The following MPDZ variants were observed in gnomAD, a reference collection of about 807,000 sequenced individuals.
MPDZ encodes multiple PDZ domain crumbs cell polarity complex component.
In MPDZ, 234 loss-of-function variants were observed where a neutral mutation model predicts 239.1. The observed-to-expected ratio is 0.98, with a 90% CI of 0.88 to 1.09. The LOEUF (loss-of-function observed/expected upper bound fraction) is 1.09, where lower values mean the gene tolerates loss of function less well. Ranked by LOEUF, MPDZ falls within the 50% of genes least tolerant of loss-of-function variation. MPDZ has a pLI of 0.00. For synonymous variants in MPDZ, 1,048 were observed against 881.3 expected, an observed-to-expected ratio of 1.19 and a Z score of -3.35; for missense variants, 3,175 against 2,510.0, an observed-to-expected ratio of 1.26 and a Z score of -5.66.
chr9:13,159,997 T>A (rs995493343), intron 23 of MPDZ, among the ~76,000 whole-genome samples: 2 of 152,162 alleles, frequency 1.3e-5, no homozygotes, highest in Non-Finnish European at 2.9e-5. Context: ...TCTCTTTATA[T>A]CTGCAAATAT....
intron 12 of MPDZ, among the ~76,000 whole-genome samples, chr9:13,204,050 C>T (rs1426514480): frequency 6.6e-6 from 1 of 152,064 alleles, no homozygotes; most frequent in African/African-American, 2.4e-5. Flanking sequence ...ATAAATATCC[C>T]TTTAAAATTG....
At chr9:13,249,661 A>G (rs998164586) in intron 2 of MPDZ, among the ~76,000 whole-genome samples, 4 of 152,212 alleles carry the variant, frequency 2.6e-5, no homozygotes, top group Non-Finnish European at 4.4e-5. Context: ...TACCTGGAAT[A>G]GGGTAAGGAA....
rs560078006 is a variant in MPDZ at position 13,207,025 on chromosome 9, T to C, written c.1291-926A>G. On this transcript the variant is annotated intron_variant, in intron 10 of 46. Transcript: ENST00000319217. ...TTTTATATTCCTCAGGTGATCTCAATGCACAGTTAAGTTTGGAACCAGAAC... is the reference window on the plus strand; with the variant it reads ...TTTTATATTCCTCAGGTGATCTCAACGCACAGTTAAGTTTGGAACCAGAAC... Among the ~76,000 whole-genome samples the C allele has an allele frequency of 4.6e-5, 7 of 152,190 alleles. No individual in the cohort carries two copies. The South Asian group carries it at 1.2e-3, about 27-fold the overall frequency.
chr9:13,127,509 C>T (rs1305672087), intron 32 of MPDZ, among the ~76,000 whole-genome samples: 1 of 152,146 alleles, frequency 6.6e-6, no homozygotes, highest in Non-Finnish European at 1.5e-5. Context: ...ATTGCCAGAG[C>T]TAGCCACCTT....
At chr9:13,137,314 T>C (rs1450258955) in intron 29 of MPDZ, among the ~76,000 whole-genome samples, 1 of 152,170 alleles carries the variant, frequency 6.6e-6, no homozygotes, top group African/African-American at 2.4e-5. Flanking sequence ...CGCAAATGAC[T>C]GGCTCAGTCA....
At chr9:13,216,216 A>G (rs1326346810) in intron 10 of MPDZ, among the ~76,000 whole-genome samples, 1 of 151,652 alleles carries the variant, frequency 6.6e-6, no homozygotes, top group East Asian at 1.9e-4. Flanking sequence ...TCTTCTGTAC[A>G]GTGCCTTGAA....
In MPDZ at chr9:13,176,420, G is replaced by C; in HGVS notation, c.2650-3C>G. ...TCACAAGAATTTTCAATAACATCCT[G>C]GTAGTTAAAAAACAACAACAACAAA... On this transcript the variant is annotated splice_polypyrimidine_tract_variant and splice_region_variant and intron_variant, in intron 19 of 46. Coordinates refer to ENST00000319217, the MANE Select transcript of MPDZ (RefSeq NM_001378778.1). The C allele has an allele frequency of 6.5e-7, 1 of 1,528,922 alleles. No individual in the cohort carries two copies. Among genetic ancestry groups the C allele is most frequent in the Non-Finnish European group, 8.8e-7 (1 of 1,136,598 alleles). The allele number at this position is 1,528,922 out of a possible 1,614,324, so 94.7% of individuals were successfully genotyped here.
At chr9:13,176,479 A>G (rs1952508285) in intron 19 of MPDZ, 62 bp from the exon 20 acceptor site, 2 of 1,270,952 alleles carry the variant, frequency 1.6e-6, no homozygotes. Context: ...ACATCAATAT[A>G]TAACATCACT....
chr9:13,245,398 A>C (rs1328137220), intron 3 of MPDZ, among the ~76,000 whole-genome samples: 2 of 150,606 alleles, frequency 1.3e-5, no homozygotes, highest in Non-Finnish European at 3.0e-5. Flanking sequence ...CTAGGGTTCA[A>C]CTTTCTACCT....
chr9:13,227,243 A>G lies in MPDZ; in HGVS notation c.184-2660T>C, dbSNP rs1365149918. Among the ~76,000 whole-genome samples the G allele has an allele frequency of 2.6e-5, 4 of 152,150 alleles. No individual in the cohort carries two copies. The South Asian group carries it at 6.2e-4, about 24-fold the overall frequency. ...CTTAACCATTATATTAGCTTTCTAC[A>G]ATCACAGATGAAAAAGAGATCAATG... On this transcript the variant is annotated intron_variant, in intron 3 of 46. Transcript: ENST00000319217.
chr9:13,136,320 G>GTTTTATTTTTT (rs1444109820), intron 30 of MPDZ, 138 bp from the exon 31 acceptor site: 2 of 193,260 alleles, frequency 1.0e-5, no homozygotes, highest in East Asian at 2.3e-4. Flanking sequence ...ATTTACAAAC[G>GTTTTATTTTTT]TTTTCTTTTT....
chr9:13,182,310 T>C (rs1263870895), intron 19 of MPDZ, among the ~76,000 whole-genome samples: 5 of 152,128 alleles, frequency 3.3e-5, no homozygotes, highest in Admixed American at 2.6e-4. Context: ...TATTCATATA[T>C]GAACTCTTTG....
chr9:13,227,737 T>C (rs1441410674), intron 3 of MPDZ, among the ~76,000 whole-genome samples: 1 of 152,166 alleles, frequency 6.6e-6, no homozygotes, highest in East Asian at 1.9e-4. Context: ...TAATATCAAT[T>C]GTCATTTCCT....
chr9:13,137,605 G>A (rs777017890), intron 29 of MPDZ, among the ~76,000 whole-genome samples: 15 of 152,130 alleles, frequency 9.9e-5, no homozygotes, highest in South Asian at 2.1e-4. Context: ...GTTCCAGAAT[G>A]TCCAGTGGGT....
chr9:13,125,218 C>G lies in MPDZ; in HGVS notation c.4805G>C (p.Arg1602Pro), dbSNP rs372204991. ...QSGSPEPESI[R>P]NTSRSSTPAI... ...TCTCATGAGTCCAGAGGCCTTACTT[C>G]GGATGGACTCCGGTTCTGGGGAGCC... Residue 1602 changes from arginine to proline, a missense_variant and splice_region_variant, in exon 35 of 47, where the codon CGA becomes CCA. Arg to Pro is a moderately radical substitution (Grantham distance 103, BLOSUM62 -2). Coordinates refer to ENST00000319217, the MANE Select transcript of MPDZ (RefSeq NM_001378778.1). The G allele has an allele frequency of 1.4e-5, 22 of 1,590,144 alleles. No individual in the cohort carries two copies. The highest frequency in any genetic ancestry group is 1.8e-5 in the Non-Finnish European group (21 of 1,165,724).
At chr9:13,275,277 G>C (rs1360901005) in intron 1 of MPDZ, among the ~76,000 whole-genome samples, 1 of 152,184 alleles carries the variant, frequency 6.6e-6, no homozygotes, top group African/African-American at 2.4e-5. Context: ...GAGGTCACTA[G>C]GGGTGGGCTC....
intron 10 of MPDZ, among the ~76,000 whole-genome samples, chr9:13,210,657 A>G (rs1396414748): frequency 6.6e-6 from 1 of 152,114 alleles, no homozygotes; most frequent in Non-Finnish European, 1.5e-5. Flanking sequence ...TAGACCACAC[A>G]GGAGTGAGCC....
intron 3 of MPDZ, among the ~76,000 whole-genome samples, chr9:13,226,834 A>T (rs2136501485): frequency 6.6e-6 from 1 of 152,238 alleles, no homozygotes; most frequent in South Asian, 2.1e-4. Context: ...GAGTTGTTCA[A>T]CATACATTGG....
rs1389212851 is a variant in MPDZ, at chr9:13,113,939, T to C, written c.5549A>G (p.Lys1850Arg). The C allele has an allele frequency of 6.3e-7, 1 of 1,588,834 alleles. No individual in the cohort carries two copies. Among genetic ancestry groups the C allele is most frequent in the South Asian group, 1.2e-5 (1 of 86,894 alleles). Residue 1850 changes from lysine (K) to arginine (R), a missense_variant, in exon 41 of 47, where the codon AAG (lysine) becomes AGG (arginine). Coordinates refer to ENST00000319217, the MANE Select transcript of MPDZ (RefSeq NM_001378778.1). ...TSESLESSSKKNALASEIQGL... is the reference protein window; with the variant it reads ...TSESLESSSKRNALASEIQGL... ...TACTGAACCAATCTTACATGCATTC[T>C]TCTTTGAGCTACTTTCCAGTGACTC...
Sources: gnomAD v4.1 joint callset for allele counts (sites outside exome capture counted in the v4.1 genomes callset) on GRCh38, gnomAD v4.1.1 for gene constraint, MANE v1.5 for transcripts, NCBI Gene and HGNC (gene_info 2026-07-23, HGNC 2026-07-21) for gene names.